The following PARD3B variants were observed in gnomAD, a reference collection of about 807,000 sequenced individuals.
The protein encoded by PARD3B is par-3 family cell polarity regulator beta.
PARD3B carries 103 observed loss-of-function variants against 130.2 expected under a neutral mutation model. The observed-to-expected ratio is 0.79, with a 90% CI of 0.67 to 0.93. PARD3B has a LOEUF of 0.93. Ranked by LOEUF, PARD3B falls within the 40% of genes least tolerant of loss-of-function variation. The pLI, the probability that PARD3B is intolerant of heterozygous loss-of-function variation, is 0.00. For missense variants in PARD3B, 1,609 were observed against 1,499.2 expected, an observed-to-expected ratio of 1.07 and a Z score of -1.21; for synonymous variants, 583 against 553.2, an observed-to-expected ratio of 1.05 and a Z score of -0.76.
intron 1 of PARD3B, among the ~76,000 whole-genome samples, chr2:204,562,187 T>C (rs1460107735): frequency 6.6e-6 from 1 of 152,042 alleles, no homozygotes; most frequent in Non-Finnish European, 1.5e-5. Context: ...GAAAAAGTAG[T>C]TGGGGTGTGC....
intron 16 of PARD3B, among the ~76,000 whole-genome samples, chr2:205,294,449 A>G (rs947472874): frequency 1.3e-5 from 2 of 152,184 alleles, no homozygotes; most frequent in African/African-American, 4.8e-5. Context: ...ACAAGACATA[A>G]AATTTTGACT....
At chr2:204,679,365 C>A (rs1040232626) in intron 1 of PARD3B, among the ~76,000 whole-genome samples, 4 of 152,092 alleles carry the variant, frequency 2.6e-5, no homozygotes, top group African/African-American at 9.7e-5. Flanking sequence ...GTGTGATGTT[C>A]ATTCAGCTTT....
chr2:204,904,615 C>A (rs968370980), intron 2 of PARD3B, among the ~76,000 whole-genome samples: 12 of 151,422 alleles, frequency 7.9e-5, no homozygotes, highest in Non-Finnish European at 1.0e-4. Context: ...GCAAGTCGTC[C>A]AATATCAGAT....
chr2:205,535,326 G>A (rs1227150186), intron 21 of PARD3B, among the ~76,000 whole-genome samples: 2 of 152,140 alleles, frequency 1.3e-5, no homozygotes, highest in Non-Finnish European at 2.9e-5. Flanking sequence ...GCAGAGTGGT[G>A]GTACTCAGAC....
chr2:204,681,718 C>T (rs1316071134), intron 1 of PARD3B, among the ~76,000 whole-genome samples: 10 of 152,138 alleles, frequency 6.6e-5, no homozygotes, highest in Non-Finnish European at 1.3e-4. Flanking sequence ...CTGTCTGCCC[C>T]AAACAGTCTG....
chr2:205,592,597 G>A lies in PARD3B; in HGVS notation c.3261-22859G>A, dbSNP rs185297484. 1.3e-5 allele frequency among the ~76,000 whole-genome samples: 2 copies of A among 152,282 alleles called. No homozygotes were observed. Among genetic ancestry groups the A allele is most frequent in the East Asian group, 3.9e-4 (2 of 5,186 alleles). On this transcript the variant is annotated intron_variant, in intron 22 of 22. Coordinates refer to ENST00000406610, the MANE Select transcript of PARD3B (RefSeq NM_001302769.2). The surrounding 1 kb of genome is among the most constrained non-coding windows in gnomAD (Gnocchi z 4.5). The stretch of plus-strand genomic sequence containing the variant: ...GTTATTGATTCCATAGAGGCAGAAT[G>A]TTTCCCATACAACTATAATGCCTGC...
intron 1 of PARD3B, among the ~76,000 whole-genome samples, chr2:204,581,838 G>T (rs918675164): frequency 6.6e-6 from 1 of 152,192 alleles, no homozygotes; most frequent in Non-Finnish European, 1.5e-5. Context: ...CTTGACCAGA[G>T]AACTAATGTG....
intron 1 of PARD3B, among the ~76,000 whole-genome samples, chr2:204,566,650 G>A (rs964232958): frequency 4.6e-5 from 7 of 152,058 alleles, no homozygotes; most frequent in African/African-American, 1.4e-4. Context: ...ATTCTGTTGC[G>A]TAAGACATAG....
chr2:205,229,693 G>C lies in PARD3B; in HGVS notation c.2141-16085G>C, dbSNP rs937695667. Among the ~76,000 whole-genome samples the C allele has an allele frequency of 6.6e-6, 1 of 152,060 alleles. No homozygotes were observed. The highest frequency in any genetic ancestry group is 1.5e-5 in the Non-Finnish European group (1 of 67,998). ...CCACCTACATTTGCTTAGGACACTA[G>C]AGCTCCGCAATAAGCAGGTGGTAAA... On this transcript the variant is annotated intron_variant, in intron 15 of 22. Coordinates refer to ENST00000406610, the MANE Select transcript of PARD3B (RefSeq NM_001302769.2). The surrounding 1 kb of genome is among the most constrained non-coding windows in gnomAD (Gnocchi z 5.2).
intron 2 of PARD3B, among the ~76,000 whole-genome samples, chr2:204,719,574 T>G (rs1284334783): frequency 6.6e-6 from 1 of 152,210 alleles, no homozygotes; most frequent in Non-Finnish European, 1.5e-5. Context: ...TGTAACCTTC[T>G]GGTTATTTCA....
At chr2:205,355,795 T>C (rs1047000463) in intron 18 of PARD3B, among the ~76,000 whole-genome samples, 2 of 152,154 alleles carry the variant, frequency 1.3e-5, no homozygotes, top group Non-Finnish European at 2.9e-5. Flanking sequence ...CTTACAATGA[T>C]GGCAGAAAGC....
At chr2:205,149,245 C>A (rs1021746461) in intron 10 of PARD3B, among the ~76,000 whole-genome samples, 20 of 152,166 alleles carry the variant, frequency 1.3e-4, no homozygotes, top group Non-Finnish European at 2.6e-4. Context: ...ACCAGGTAGA[C>A]TCTTCAGTTT....
At chr2:204,651,095 C>G (rs554910106) in intron 1 of PARD3B, among the ~76,000 whole-genome samples, 91 of 152,194 alleles carry the variant, frequency 6.0e-4, no homozygotes, top group African/African-American at 1.6e-3. Context: ...ATTATTCTGC[C>G]GCTGACCCCT....
intron 15 of PARD3B, among the ~76,000 whole-genome samples, chr2:205,202,613 C>T (rs563782654): frequency 6.6e-6 from 1 of 152,310 alleles, no homozygotes; most frequent in Middle Eastern, 3.4e-3. Flanking sequence ...TAGCTGCACT[C>T]TTTTATAAGT....
intron 2 of PARD3B, among the ~76,000 whole-genome samples, chr2:204,719,388 G>C (rs1371035849): frequency 6.6e-6 from 1 of 152,154 alleles, no homozygotes; most frequent in Non-Finnish European, 1.5e-5. Flanking sequence ...TAAAATTAAA[G>C]TTGATATTTG....
chr2:205,186,326 A>G (rs1344190067), intron 14 of PARD3B, among the ~76,000 whole-genome samples: 1 of 152,190 alleles, frequency 6.6e-6, no homozygotes, highest in East Asian at 1.9e-4. Flanking sequence ...AATATTGAAG[A>G]GGGTACCCAA....
intron 4 of PARD3B, among the ~76,000 whole-genome samples, chr2:205,054,151 A>G (rs1216174437): frequency 6.6e-6 from 1 of 151,842 alleles, no homozygotes; most frequent in Non-Finnish European, 1.5e-5. Context: ...TTCAGGTAGG[A>G]AAAAACCTGA....
At chr2:204,690,322 T>C (rs1363817543) in intron 2 of PARD3B, among the ~76,000 whole-genome samples, 1 of 152,168 alleles carries the variant, frequency 6.6e-6, no homozygotes, top group Admixed American at 6.6e-5. Context: ...GCCTCAAAAA[T>C]GTCTACTCCC....
chr2:204,684,171 G>A (rs1416440621), intron 1 of PARD3B, among the ~76,000 whole-genome samples: 1 of 152,136 alleles, frequency 6.6e-6, no homozygotes, highest in Admixed American at 6.6e-5. Context: ...CAGTTGTGAA[G>A]GATGATTATT....
Sources: allele counts gnomAD v4.1 joint callset (sites outside exome capture counted in the v4.1 genomes callset), GRCh38; gene constraint gnomAD v4.1.1; non-coding constraint Gnocchi (gnomAD v3.1); transcripts MANE v1.5; gene names NCBI Gene and HGNC (gene_info 2026-07-23, HGNC 2026-07-21).